Variants in EPHA5 observed in about 807,000 individuals in gnomAD.
The protein encoded by EPHA5 is ephrin type-A receptor 5.
EPHA5 carries 60 observed loss-of-function variants against 105.0 expected under a neutral mutation model. The ratio of observed to expected loss-of-function variants is 0.57; its 90% confidence interval spans 0.46 to 0.71. EPHA5 has a LOEUF of 0.71. Among genes scored for constraint, EPHA5 ranks in the 30% least tolerant of loss-of-function variants. The pLI, the probability that EPHA5 is intolerant of heterozygous loss-of-function variation, is 0.00. For synonymous variants in EPHA5, 513 were observed against 449.1 expected (o/e 1.14, Z -1.80); for missense variants, 1,218 against 1,274.7 (o/e 0.96, Z 0.68).
At position 65,320,305 on chromosome 4, in the gene EPHA5, AT is replaced by A. The variant is rs763194462; in HGVS notation, c.*3808del. The A allele has an allele frequency of 2.6e-5, 6 of 230,080 alleles. No homozygotes were observed. The highest frequency in any genetic ancestry group is 4.4e-5 in the African/African-American group (2 of 45,020). The allele number at this position is 230,080 out of a possible 1,614,324, so 14.3% of individuals were successfully genotyped here. ...CTTATTAATGTCAAATAAAGCTAGC[AT>A]TTTGATTCCATTTATTCTTCATCAT... On this transcript the variant is annotated 3_prime_UTR_variant, in exon 17 of 17. Coordinates refer to ENST00000613740, the MANE Select transcript of EPHA5 (RefSeq NM_001281766.3).
intron 3 of EPHA5, among the ~76,000 whole-genome samples, chr4:65,537,010 T>C (rs1736355158): frequency 6.6e-6 from 1 of 151,810 alleles, no homozygotes; most frequent in Non-Finnish European, 1.5e-5. Context: ...ACACTCTAAT[T>C]GGGTCAGACT....
At chr4:65,574,743 C>CATATAT (rs375040204) in intron 3 of EPHA5, among the ~76,000 whole-genome samples, 7 of 80,302 alleles carry the variant, frequency 8.7e-5, no homozygotes, top group African/African-American at 3.3e-4. Flanking sequence ...TATATATATA[C>CATATAT]ATATATATAT....
chr4:65,453,411 G>A (rs1727255671), intron 5 of EPHA5, among the ~76,000 whole-genome samples: 2 of 152,098 alleles, frequency 1.3e-5, no homozygotes, highest in African/African-American at 2.4e-5. Context: ...GCCACAGGTT[G>A]GACCAGCTTG....
chr4:65,405,213 G>T (rs1722246014), intron 7 of EPHA5, among the ~76,000 whole-genome samples: 2 of 152,026 alleles, frequency 1.3e-5, no homozygotes, highest in Non-Finnish European at 2.9e-5. Flanking sequence ...AACATGATTA[G>T]GTAGTTGTAC....
intron 3 of EPHA5, among the ~76,000 whole-genome samples, chr4:65,591,261 C>T (rs189657006): frequency 5.3e-5 from 8 of 151,950 alleles, no homozygotes; most frequent in Non-Finnish European, 1.2e-4. Context: ...TGTATTATAT[C>T]TTCATTTTTA....
At chr4:65,334,089 T>C (rs1026884873) in intron 15 of EPHA5, among the ~76,000 whole-genome samples, 1 of 151,932 alleles carries the variant, frequency 6.6e-6, no homozygotes, top group African/African-American at 2.4e-5. Flanking sequence ...TCATCTTGAA[T>C]TCAACTCTCA....
chr4:65,446,538 A>T lies in EPHA5; in HGVS notation c.1403-25973T>A, dbSNP rs116745131. Among the ~76,000 whole-genome samples, 842 of 152,306 alleles carry T rather than the reference A, an allele frequency of 5.5e-3. 13 individuals are homozygous for T. Among genetic ancestry groups the T allele is most frequent in the African/African-American group, 0.019 (801 of 41,574 alleles). ...ATGTGGAAATAACTATAGTGGTAGG[A>T]TAGTGTACTATGGGAACACATATGT... On this transcript the variant is annotated intron_variant, in intron 5 of 16. Coordinates refer to ENST00000613740, the MANE Select transcript of EPHA5 (RefSeq NM_001281766.3).
At chr4:65,471,873 C>T (rs56126057) in intron 5 of EPHA5, among the ~76,000 whole-genome samples, 31,933 of 152,010 alleles carry the variant, frequency 0.21, 4,169 homozygotes, top group Middle Eastern at 0.35. Context: ...CATATCATTC[C>T]TTCCCTGGCC....
At chr4:65,468,669 AACATATATACATATATATATAAAATAT>A in intron 5 of EPHA5, among the ~76,000 whole-genome samples, 1 of 10,892 alleles carries the variant, frequency 9.2e-5, no homozygotes, top group South Asian at 0.013. Flanking sequence ...AAATATATAT[AACATATATACATATATATATAAAATAT>A]ATATATATAT....
At chr4:65,659,339 AAAAAAAAAAAAAAAAAAAAC>A in intron 1 of EPHA5, among the ~76,000 whole-genome samples, 1 of 147,632 alleles carries the variant, frequency 6.8e-6, no homozygotes, top group Non-Finnish European at 1.5e-5. Flanking sequence ...AAAAAAAAAA[AAAAAAAAAAAAAAAAAAAAC>A]AGGAAAGGTA....
At chr4:65,365,267 T>G (rs1717757817) in intron 10 of EPHA5, 65 bp from the exon 11 acceptor site, 2 of 1,358,490 alleles carry the variant, frequency 1.5e-6, no homozygotes, top group East Asian at 2.3e-5. Flanking sequence ...AACACTTGTA[T>G]GCCCTCTTAG....
chr4:65,461,400 A>C (rs1052225695), intron 5 of EPHA5, among the ~76,000 whole-genome samples: 1 of 152,064 alleles, frequency 6.6e-6, no homozygotes, highest in Non-Finnish European at 1.5e-5. Context: ...ATATTACTGT[A>C]AATCTAAATA....
chr4:65,472,375 C>G (rs1022119963), intron 5 of EPHA5, among the ~76,000 whole-genome samples: 12 of 152,122 alleles, frequency 7.9e-5, no homozygotes, highest in Admixed American at 7.9e-4. Context: ...TGAAGTGGCC[C>G]TCTTCTCATA....
At chr4:65,379,983 C>G (rs538599597) in intron 8 of EPHA5, among the ~76,000 whole-genome samples, 1 of 151,756 alleles carries the variant, frequency 6.6e-6, no homozygotes, top group African/African-American at 2.4e-5. Context: ...TTCACAGTAA[C>G]AGCTTGACAT....
chr4:65,341,288 T>C (rs1448998123), intron 14 of EPHA5, among the ~76,000 whole-genome samples: 1 of 151,882 alleles, frequency 6.6e-6, no homozygotes, highest in Non-Finnish European at 1.5e-5. Flanking sequence ...AATCAGAAGG[T>C]TTAAGAAATT....
intron 3 of EPHA5, chr4:65,574,026 A>G: frequency 2.5e-6 from 4 of 1,599,690 alleles, no homozygotes; most frequent in Non-Finnish European, 3.4e-6. Context: ...TCTATGAAGA[A>G]CACACCAGAA....
intron 16 of EPHA5, among the ~76,000 whole-genome samples, chr4:65,326,608 A>C (rs1290107492): frequency 6.6e-6 from 1 of 151,344 alleles, no homozygotes; most frequent in Admixed American, 6.6e-5. Flanking sequence ...GTTCACTAGC[A>C]AACTGGATCA....
intron 5 of EPHA5, among the ~76,000 whole-genome samples, chr4:65,474,712 C>T (rs1729625165): frequency 6.6e-6 from 1 of 152,092 alleles, no homozygotes; most frequent in Admixed American, 6.6e-5. Flanking sequence ...AGCTAAGTTG[C>T]TTTGACTATT....
intron 5 of EPHA5, among the ~76,000 whole-genome samples, chr4:65,465,092 A>C (rs1728483640): frequency 6.6e-6 from 1 of 152,102 alleles, no homozygotes; most frequent in African/African-American, 2.4e-5. Context: ...TCTCAGATTT[A>C]ATTATTCAAA....
Sources: allele counts gnomAD v4.1 joint callset (sites outside exome capture counted in the v4.1 genomes callset), GRCh38; gene constraint gnomAD v4.1.1; transcripts MANE v1.5; gene names NCBI Gene and HGNC (gene_info 2026-07-23, HGNC 2026-07-21).